Variants in POC1A observed in about 807,000 individuals in gnomAD.
POC1A encodes POC1 centriolar protein A.
POC1A carries 34 observed loss-of-function variants against 47.8 expected under a neutral mutation model. The observed-to-expected ratio is 0.71, with a 90% CI of 0.54 to 0.95. The LOEUF (loss-of-function observed/expected upper bound fraction) is 0.95. Ranked by LOEUF, POC1A falls within the 40% of genes least tolerant of loss-of-function variation. The probability of loss-of-function intolerance (pLI) is 0.00; values close to 1 mark genes in which losing one functional copy is unlikely to be tolerated. For missense variants in POC1A, 466 were observed against 528.3 expected, an observed-to-expected ratio of 0.88 and a Z score of 1.16; for synonymous variants, 177 against 207.6, an observed-to-expected ratio of 0.85 and a Z score of 1.27.
At chr3:52,144,208 C>T (rs1698292576) in intron 6 of POC1A, among the ~76,000 whole-genome samples, 1 of 152,244 alleles carries the variant, frequency 6.6e-6, no homozygotes, top group Non-Finnish European at 1.5e-5. Context: ...AGTCCTCCCT[C>T]CTCTGCACCT....
chr3:52,106,240 C>T lies in POC1A; in HGVS notation c.982-9528G>A, dbSNP rs573650745. On this transcript the variant is annotated intron_variant, in intron 9 of 10. Coordinates refer to ENST00000296484, the MANE Select transcript of POC1A (RefSeq NM_015426.5). ...ACATGGGGCCTGGAGGTCCACAGTC[C>T]ACACGGTAACCTCCAAAACCAAATC... is the stretch of plus-strand genomic sequence containing the variant. Among the ~76,000 whole-genome samples, 18 of 150,938 alleles carry T rather than the reference C, an allele frequency of 1.2e-4. No individual in the cohort carries two copies. In the East Asian group the frequency reaches 3.5e-3, roughly 29 times the overall value.
intron 7 of POC1A, among the ~76,000 whole-genome samples, chr3:52,134,848 A>G (rs1704384661): frequency 6.6e-6 from 1 of 150,842 alleles, no homozygotes; most frequent in African/African-American, 2.4e-5. Flanking sequence ...CTCCTTATCC[A>G]TAGGACAGAA....
intron 9 of POC1A, among the ~76,000 whole-genome samples, chr3:52,102,806 A>G (rs931541917): frequency 6.6e-6 from 1 of 152,258 alleles, no homozygotes; most frequent in African/African-American, 2.4e-5. Flanking sequence ...TAAAGGCTCA[A>G]TGTTGTAAAG....
At chr3:52,149,791 A>T (rs548340101) in intron 3 of POC1A, 25 bp downstream of exon 3, 3 of 1,602,104 alleles carry the variant, frequency 1.9e-6, no homozygotes, top group Non-Finnish European at 2.6e-6. Flanking sequence ...GACTCCAACA[A>T]GCCTCCTCAA....
intron 7 of POC1A, among the ~76,000 whole-genome samples, chr3:52,129,258 G>A (rs533544136): frequency 4.6e-5 from 7 of 152,226 alleles, no homozygotes; most frequent in African/African-American, 1.2e-4. Flanking sequence ...CACCCTGGGC[G>A]ACAGAGCGAG....
rs754747535 is a variant in POC1A at position 52,075,520 on chromosome 3, C to A, written c.*367G>T. 1.8e-4 allele frequency: 34 copies of A among 192,494 alleles called. No homozygotes were observed. Among genetic ancestry groups the A allele is most frequent in the Non-Finnish European group, 3.4e-4 (31 of 89,962 alleles). The allele number at this position is 192,494 out of a possible 1,614,324, so 11.9% of individuals were successfully genotyped here. A position where few individuals can be genotyped will look rare whatever the true frequency, so the allele number is the denominator to read the frequency against. On this transcript the variant is annotated 3_prime_UTR_variant, in exon 11 of 11. Transcript: ENST00000296484. ...GAGGTAGGAAAAGCCAGTCACATGT[C>A]CAAATGATGAGTGAAAATCAAGGCA...
intron 8 of POC1A, among the ~76,000 whole-genome samples, chr3:52,122,764 G>A (rs540138918): frequency 4.6e-5 from 7 of 152,376 alleles, no homozygotes; most frequent in Admixed American, 3.3e-4. Flanking sequence ...TCACAGGCCC[G>A]AGCTTCATGG....
At chr3:52,085,048 G>C (rs1036614596) in intron 10 of POC1A, among the ~76,000 whole-genome samples, 14 of 152,248 alleles carry the variant, frequency 9.2e-5, no homozygotes, top group African/African-American at 3.4e-4. Context: ...CACTGACTGA[G>C]AGAAAGGAGA....
intron 10 of POC1A, among the ~76,000 whole-genome samples, chr3:52,095,265 A>C (rs2106968405): frequency 6.6e-6 from 1 of 152,210 alleles, no homozygotes; most frequent in East Asian, 1.9e-4. Flanking sequence ...AGGTCTGTAC[A>C]CTGGGCCCTG....
chr3:52,087,481 C>T lies in POC1A; in HGVS notation c.1125+9088G>A, dbSNP rs552993758. 2.6e-5 allele frequency among the ~76,000 whole-genome samples: 4 copies of T among 152,268 alleles called. No homozygotes were observed. In the East Asian group the frequency reaches 5.8e-4, roughly 22 times the overall value. ...CTTTTGGTCCCTTGAGCCTATGGTC[C>T]GCGGTTGTTTCACATTATCTCAGGG... is the stretch of plus-strand genomic sequence containing the variant. On this transcript the variant is annotated intron_variant, in intron 10 of 10. Transcript: ENST00000296484.
At chr3:52,087,868 C>T (rs1283598613) in intron 10 of POC1A, among the ~76,000 whole-genome samples, 2 of 152,198 alleles carry the variant, frequency 1.3e-5, no homozygotes, top group African/African-American at 4.8e-5. Context: ...CAGCCATGTA[C>T]AGGCCACCAG....
chr3:52,089,152 C>T (rs920970792), intron 10 of POC1A, among the ~76,000 whole-genome samples: 6 of 151,918 alleles, frequency 3.9e-5, no homozygotes, highest in African/African-American at 1.2e-4. Context: ...GAGTGCTGTT[C>T]GCAGGCTGCA....
In POC1A at chr3:52,148,928, T is replaced by C. The variant is rs17051977; in HGVS notation, c.455+282A>G. 0.13 allele frequency among the ~76,000 whole-genome samples: 20,041 copies of C among 152,246 alleles called. 1,985 individuals are homozygous for C. Among genetic ancestry groups the C allele is most frequent in the African/African-American group, 0.27 (11,269 of 41,516 alleles). ...ATTGTTTTTGATAATAAATGGCCCC[T>C]GTTGACCCAGTTTGTGCTTTGCCAA... On this transcript the variant is annotated intron_variant, in intron 4 of 10. Coordinates refer to ENST00000296484, the MANE Select transcript of POC1A (RefSeq NM_015426.5).
At chr3:52,140,110 C>T (rs761618539) in intron 6 of POC1A, among the ~76,000 whole-genome samples, 1 of 152,224 alleles carries the variant, frequency 6.6e-6, no homozygotes, top group Non-Finnish European at 1.5e-5. Flanking sequence ...ACACACCCAA[C>T]ACGAAACGGC....
intron 1 of POC1A, among the ~76,000 whole-genome samples, chr3:52,153,104 C>T (rs1468877868): frequency 2.0e-5 from 3 of 152,182 alleles, no homozygotes; most frequent in African/African-American, 7.2e-5. Flanking sequence ...ATTACAGTTG[C>T]ACAACACTGT....
In POC1A at chr3:52,090,906, T is replaced by A. The variant is rs779956303; in HGVS notation, c.1125+5663A>T. Among the ~76,000 whole-genome samples the A allele has an allele frequency of 9.2e-5, 14 of 152,158 alleles. No homozygotes were observed. Among genetic ancestry groups the A allele is most frequent in the Non-Finnish European group, 1.9e-4 (13 of 67,984 alleles). On this transcript the variant is annotated intron_variant, in intron 10 of 10. Transcript: ENST00000296484. This position sits in a 1 kb window ranked among gnomAD's most constrained non-coding sequence, Gnocchi z 4.2. ...GGCCCCAGGGGAAGTCCTGGCCCCA[T>A]GTGAAGAGGCTGACCTCTGCTGCCC...
intron 10 of POC1A, among the ~76,000 whole-genome samples, chr3:52,087,144 G>A (rs1295292776): frequency 6.6e-6 from 1 of 152,236 alleles, no homozygotes; most frequent in African/African-American, 2.4e-5. Flanking sequence ...CTAGTCTTGG[G>A]AGGGAGGAAG....
At chr3:52,132,794 C>T (rs1704273264) in intron 7 of POC1A, among the ~76,000 whole-genome samples, 3 of 152,150 alleles carry the variant, frequency 2.0e-5, no homozygotes, top group Non-Finnish European at 4.4e-5. Context: ...CCTGTAATCC[C>T]AGCACTTTGG....
At chr3:52,117,061 G>A (rs972877608) in intron 9 of POC1A, among the ~76,000 whole-genome samples, 3 of 151,986 alleles carry the variant, frequency 2.0e-5, no homozygotes, top group African/African-American at 4.8e-5. Context: ...GGAGGTGCAC[G>A]CTTGTATTCC....
Sources: gnomAD v4.1 joint callset for allele counts (sites outside exome capture counted in the v4.1 genomes callset) on GRCh38, gnomAD v4.1.1 for gene constraint, Gnocchi (gnomAD v3.1) non-coding constraint, MANE v1.5 for transcripts, NCBI Gene and HGNC (gene_info 2026-07-23, HGNC 2026-07-21) for gene names.